Variants in TMEM132C observed in about 807,000 individuals in gnomAD.
TMEM132C encodes the protein protein phosphatase 1, regulatory subunit 152.
A neutral mutation model predicts 61.4 loss-of-function variants in TMEM132C; 29 were observed. The observed-to-expected ratio is 0.47, with a 90% CI of 0.35 to 0.64. TMEM132C has a LOEUF of 0.64. TMEM132C is among the 30% of genes least tolerant of loss of function. The pLI, the probability that TMEM132C is intolerant of heterozygous loss-of-function variation, is 0.00. For synonymous variants in TMEM132C, 656 were observed against 633.1 expected (o/e 1.04, Z -0.54); for missense variants, 1,408 against 1,476.9 (o/e 0.95, Z 0.76).
chr12:128,662,048 G>A (rs939922901), intron 4 of TMEM132C, among the ~76,000 whole-genome samples: 2 of 152,036 alleles, frequency 1.3e-5, no homozygotes, highest in Non-Finnish European at 2.9e-5. Flanking sequence ...AATGACAGAG[G>A]AGATTTTAAA....
At chr12:128,455,858 T>A (rs1437719769) in intron 2 of TMEM132C, among the ~76,000 whole-genome samples, 1 of 152,160 alleles carries the variant, frequency 6.6e-6, no homozygotes, top group Non-Finnish European at 1.5e-5. Context: ...GAGCTCAGAC[T>A]GTGGCCCCAG....
chr12:128,502,902 C>T (rs897978), intron 2 of TMEM132C, among the ~76,000 whole-genome samples: 76,925 of 152,086 alleles, frequency 0.51, 19,703 homozygotes, highest in East Asian at 0.57. Flanking sequence ...AGATAGAATG[C>T]TCCATCTGCT....
chr12:128,610,642 G>C (rs191727914), intron 3 of TMEM132C, among the ~76,000 whole-genome samples: 3 of 152,168 alleles, frequency 2.0e-5, no homozygotes, highest in Non-Finnish European at 2.9e-5. Flanking sequence ...AGCCCCATAT[G>C]AGCTGATGTG....
chr12:128,486,876 AACACACACACACACACACAC>A (rs56407388), intron 2 of TMEM132C, among the ~76,000 whole-genome samples: 1 of 131,134 alleles, frequency 7.6e-6, no homozygotes, highest in Non-Finnish European at 1.7e-5. Context: ...TGTGCATGCA[AACACACACACACACACACAC>A]ACACACACAC....
At chr12:128,290,550 G>A (rs865851999) in intron 1 of TMEM132C, among the ~76,000 whole-genome samples, 5 of 152,084 alleles carry the variant, frequency 3.3e-5, no homozygotes, top group African/African-American at 4.8e-5. Flanking sequence ...GATGTGTGAC[G>A]CACTGTTCCA....
intron 2 of TMEM132C, among the ~76,000 whole-genome samples, chr12:128,473,024 T>C (rs978652906): frequency 6.6e-6 from 1 of 152,252 alleles, no homozygotes; most frequent in African/African-American, 2.4e-5. Context: ...CTGGAGGATC[T>C]AGGGAAGGAT....
chr12:128,436,285 C>T (rs1438316284), intron 2 of TMEM132C, among the ~76,000 whole-genome samples: 2 of 152,100 alleles, frequency 1.3e-5, no homozygotes, highest in Non-Finnish European at 2.9e-5. Flanking sequence ...CAACAAAAGC[C>T]AAAATAGACA....
In TMEM132C at chr12:128,705,464, G is replaced by A. The variant is rs1225708256; in HGVS notation, c.2496G>A (p.Glu832=). ...SDRRQKGQHH[E]RTGQDGHLYG... is the part of the protein sequence containing the mutation. ...GCCGGCAGAAGGGCCAGCACCATGA[G>A]CGCACAGGCCAAGATGGGCACCTCT... Residue 832 remains glutamate (E), a synonymous_variant, in exon 9 of 9, where the codon GAG becomes GAA. Coordinates refer to ENST00000435159, the MANE Select transcript of TMEM132C (RefSeq NM_001136103.3). The A allele has an allele frequency of 1.3e-6, 2 of 1,551,164 alleles. No homozygotes were observed. The highest frequency in any genetic ancestry group is 1.4e-5 in the African/African-American group (1 of 73,168).
At chr12:128,642,993 T>G (rs1056280538) in intron 4 of TMEM132C, among the ~76,000 whole-genome samples, 2 of 152,208 alleles carry the variant, frequency 1.3e-5, no homozygotes, top group African/African-American at 2.4e-5. Flanking sequence ...TGTCTTCTGA[T>G]GCCCGGGTCT....
intron 1 of TMEM132C, among the ~76,000 whole-genome samples, chr12:128,410,968 A>G (rs1868515417): frequency 3.9e-5 from 6 of 152,136 alleles, no homozygotes. Flanking sequence ...TGACCTCAAC[A>G]TTTTTGATGA....
intron 3 of TMEM132C, among the ~76,000 whole-genome samples, chr12:128,610,172 G>A (rs1876583566): frequency 6.6e-6 from 1 of 152,218 alleles, no homozygotes. Flanking sequence ...ATACTCATGA[G>A]GTAGAATGAA....
At chr12:128,321,638 G>C (rs1266025956) in intron 1 of TMEM132C, among the ~76,000 whole-genome samples, 2 of 152,176 alleles carry the variant, frequency 1.3e-5, no homozygotes, top group African/African-American at 2.4e-5. Context: ...ATGTACATGT[G>C]CAAGTAAAAC....
chr12:128,417,494 G>A lies in TMEM132C; in HGVS notation c.974+1874G>A, dbSNP rs189426018. ...TTTCATCACAAAGATAGGCATGGTG[G>A]TGGTGAACAAAGGTCTTCCAACCAG... On this transcript the variant is annotated intron_variant, in intron 2 of 8. Transcript: ENST00000435159. Among the ~76,000 whole-genome samples the A allele has an allele frequency of 9.9e-5, 15 of 152,278 alleles. No homozygotes were observed. The East Asian group carries it at 1.5e-3, about 16-fold the overall frequency.
chr12:128,285,637 T>TTCTCTC (rs140507851), intron 1 of TMEM132C, among the ~76,000 whole-genome samples: 17 of 132,094 alleles, frequency 1.3e-4, no homozygotes, highest in African/African-American at 4.3e-4. Flanking sequence ...GACATATTCA[T>TTCTCTC]TCTCTCTCTC....
intron 2 of TMEM132C, among the ~76,000 whole-genome samples, chr12:128,456,926 C>G (rs180766207): frequency 6.6e-6 from 1 of 152,128 alleles, no homozygotes; most frequent in African/African-American, 2.4e-5. Flanking sequence ...ACACTATTTT[C>G]GCTGGCTTCC....
chr12:128,352,796 C>A lies in TMEM132C; in HGVS notation c.86-61936C>A, dbSNP rs1873382396. 2.0e-5 allele frequency among the ~76,000 whole-genome samples: 3 copies of A among 152,334 alleles called. No homozygotes were observed. The South Asian group carries it at 6.2e-4, about 32-fold the overall frequency. ...ATTGTTCAAGGAGTTTGCCTCATAG[C>A]ACCCTATGCAGGATCCCTCAGGAAG... On this transcript the variant is annotated intron_variant, in intron 1 of 8. Coordinates refer to ENST00000435159, the MANE Select transcript of TMEM132C (RefSeq NM_001136103.3).
rs777131143 is a variant in TMEM132C, at chr12:128,415,274, G to C, written c.628G>C (p.Val210Leu). The C allele has an allele frequency of 6.3e-7, 1 of 1,599,094 alleles. No individual in the cohort carries two copies. Among genetic ancestry groups the C allele is most frequent in the East Asian group, 2.3e-5 (1 of 43,766 alleles). ...GTCCAGCTGGTTCAGTGCCCCGACG[G>C]TGGGTGCCGGGAGGAAGAAGTCCAT... Reference protein sequence around the residue: ...LLSSWFSAPTVGAGRKKSMDQ... With the variant: ...LLSSWFSAPTLGAGRKKSMDQ... Residue 210 changes from valine to leucine, a missense_variant, in exon 2 of 9, where the codon GTG becomes CTG. Coordinates refer to ENST00000435159, the MANE Select transcript of TMEM132C (RefSeq NM_001136103.3). The surrounding 1 kb of genome is among the most constrained non-coding windows in gnomAD (Gnocchi z 5.8).
intron 3 of TMEM132C, among the ~76,000 whole-genome samples, chr12:128,545,050 G>A (rs543461458): frequency 6.6e-6 from 1 of 152,266 alleles, no homozygotes; most frequent in Admixed American, 6.5e-5. Flanking sequence ...GAGGTTTGGG[G>A]CATGAATGAT....
At chr12:128,595,909 G>C (rs1875927229) in intron 3 of TMEM132C, among the ~76,000 whole-genome samples, 1 of 152,194 alleles carries the variant, frequency 6.6e-6, no homozygotes, top group South Asian at 2.1e-4. Context: ...AGTAGGAGAA[G>C]GGCAATTTCC....
Sources: allele counts gnomAD v4.1 joint callset (sites outside exome capture counted in the v4.1 genomes callset), GRCh38; gene constraint gnomAD v4.1.1; non-coding constraint Gnocchi (gnomAD v3.1); transcripts MANE v1.5; gene names NCBI Gene and HGNC (gene_info 2026-07-23, HGNC 2026-07-21).